Variants in ABCC11 observed in about 807,000 individuals in gnomAD.
ABCC11 encodes ATP binding cassette subfamily C member 11.
A neutral mutation model predicts 149.3 loss-of-function variants in ABCC11; 135 were observed. The ratio of observed to expected loss-of-function variants is 0.90; its 90% CI spans 0.79 to 1.04. ABCC11 has a LOEUF of 1.04. ABCC11 is among the 50% of genes least tolerant of loss of function. The pLI is 0.00. For missense variants in ABCC11, 1,680 were observed against 1,722.1 expected, an observed-to-expected ratio of 0.98 and a Z score of 0.43; for synonymous variants, 665 against 671.4, an observed-to-expected ratio of 0.99 and a Z score of 0.15.
At chr16:48,182,044 T>C (rs1230669083) in intron 23 of ABCC11, among the ~76,000 whole-genome samples, 1 of 152,128 alleles carries the variant, frequency 6.6e-6, no homozygotes, top group East Asian at 1.9e-4. Context: ...CCAGCTGTTA[T>C]TGCACTCCCA....
chr16:48,204,306 T>C (rs1968248324), intron 13 of ABCC11, among the ~76,000 whole-genome samples: 2 of 152,064 alleles, frequency 1.3e-5, no homozygotes, highest in Admixed American at 1.3e-4. Context: ...CTGGAGACAA[T>C]CTTACGCGGG....
chr16:48,205,812 C>CTTT (rs5816589), intron 12 of ABCC11, among the ~76,000 whole-genome samples: 50 of 141,018 alleles, frequency 3.5e-4, no homozygotes, highest in Non-Finnish European at 4.8e-4. Flanking sequence ...GTTTTTTCCT[C>CTTT]TTTTTTTTTT....
At chr16:48,180,248 C>T (rs1322505952) in intron 23 of ABCC11, among the ~76,000 whole-genome samples, 1 of 152,250 alleles carries the variant, frequency 6.6e-6, no homozygotes, top group Admixed American at 6.5e-5. Context: ...TTCTTGAAAA[C>T]TTCTCTTTGC....
intron 3 of ABCC11, among the ~76,000 whole-genome samples, chr16:48,228,581 C>T (rs371270570): frequency 2.7e-5 from 4 of 150,898 alleles, no homozygotes; most frequent in South Asian, 4.2e-4. Flanking sequence ...TGGGAGACAG[C>T]GCACGACTCC....
In ABCC11 at chr16:48,200,313, CT is replaced by C. The variant is rs1567512128; in HGVS notation, c.2044del (p.Arg682GlyfsTer8). 1 of 1,614,214 alleles carries C rather than the reference CT, an allele frequency of 6.2e-7. No individual in the cohort carries two copies. The highest frequency in any genetic ancestry group is 8.5e-7 in the Non-Finnish European group (1 of 1,180,018). ...GGTCACCAGGACGACCGTCTTCCCC[CT>C]GAGTGTCTTCTTAATGCACTCCTCA... ...IFEECIKKTL[R>X]GKTVVLVTHQ... On this transcript the variant is annotated frameshift_variant, in exon 15 of 30. Coordinates refer to ENST00000356608, the MANE Select transcript of ABCC11 (RefSeq NM_001370497.1). LOFTEE classifies it high-confidence loss of function.
chr16:48,166,642 G>A lies in ABCC11; in HGVS notation c.*632C>T, dbSNP rs1310535257. ...GCCCATAACCTCAGCACTTTGGGAGGCCAAGGCAAGCGGATCACTTGAGAT... is the reference window on the plus strand; with the variant it reads ...GCCCATAACCTCAGCACTTTGGGAGACCAAGGCAAGCGGATCACTTGAGAT... On this transcript the variant is annotated 3_prime_UTR_variant, in exon 30 of 30. Coordinates refer to ENST00000356608, the MANE Select transcript of ABCC11 (RefSeq NM_001370497.1). Among the ~76,000 whole-genome samples, 1 of 152,158 alleles carries A rather than the reference G, an allele frequency of 6.6e-6. No individual in the cohort carries two copies. The highest frequency in any genetic ancestry group is 1.5e-5 in the Non-Finnish European group (1 of 68,024).
At chr16:48,186,876 C>A in intron 22 of ABCC11, 77 bp downstream of exon 22, 1 of 1,556,998 alleles carries the variant, frequency 6.4e-7, no homozygotes, top group Non-Finnish European at 8.7e-7. Context: ...GATGCCACTC[C>A]CAGACGCTCC....
In ABCC11 at chr16:48,200,451, C is replaced by G; in HGVS notation, c.1907G>C (p.Gly636Ala). 1.2e-6 allele frequency: 2 copies of G among 1,614,178 alleles called. No homozygotes were observed. Among genetic ancestry groups the G allele is most frequent in the Non-Finnish European group, 1.7e-6 (2 of 1,180,028 alleles). The change falls in exon 15 of 30, where the codon GGG becomes GCG. Residue 636 changes from glycine (G) to alanine (A), a missense_variant. Gly to Ala is a moderately conservative substitution (Grantham distance 60). Coordinates refer to ENST00000356608, the MANE Select transcript of ABCC11 (RefSeq NM_001370497.1). ...CAGGCTGATCCTCTGTTTCTGCCCC[C>G]CAGAGAGGTTGAGGCCCCGCTCTCC... ...EIGERGLNLS[G>A]GQKQRISLAR...
chr16:48,238,669 G>A (rs1431380233), intron 1 of ABCC11, among the ~76,000 whole-genome samples: 1 of 152,046 alleles, frequency 6.6e-6, no homozygotes, highest in Non-Finnish European at 1.5e-5. Context: ...CGGGCGCGGT[G>A]GCTCACGCCT....
intron 10 of ABCC11, among the ~76,000 whole-genome samples, chr16:48,212,892 T>C (rs1341268647): frequency 6.6e-6 from 1 of 152,118 alleles, no homozygotes; most frequent in Non-Finnish European, 1.5e-5. Flanking sequence ...ATTTTTAAGA[T>C]GATAAATGGT....
At chr16:48,173,811 G>A (rs1267466522) in intron 26 of ABCC11, among the ~76,000 whole-genome samples, 4 of 150,194 alleles carry the variant, frequency 2.7e-5, no homozygotes, top group African/African-American at 7.4e-5. Flanking sequence ...TTTTAGCAGA[G>A]ACAGGGTTTT....
intron 9 of ABCC11, among the ~76,000 whole-genome samples, chr16:48,214,027 C>T (rs553478474): frequency 1.3e-5 from 2 of 152,278 alleles, no homozygotes; most frequent in East Asian, 1.9e-4. Flanking sequence ...CTAACCCATG[C>T]TGCACTGTGA....
chr16:48,210,765 T>C, intron 11 of ABCC11, 183 bp downstream of exon 11: 1 of 891,488 alleles, frequency 1.1e-6, no homozygotes, highest in Non-Finnish European at 1.6e-6. Context: ...GATAGATTAA[T>C]TCACATTAAA....
At chr16:48,244,755 G>A in intron 1 of ABCC11, 2 of 524,426 alleles carry the variant, frequency 3.8e-6, no homozygotes, top group Non-Finnish European at 6.1e-6. Context: ...CCTCTCTGGT[G>A]CTATCACTTG....
intron 12 of ABCC11, among the ~76,000 whole-genome samples, chr16:48,207,733 A>C (rs530779196): frequency 1.3e-5 from 2 of 152,134 alleles, no homozygotes; most frequent in Admixed American, 1.3e-4. Context: ...AAAGAAAGAA[A>C]AAAGAAACTG....
At position 48,227,808 on chromosome 16, in the gene ABCC11, T is replaced by C. The variant is rs200640389; in HGVS notation, c.393A>G (p.Gln131=). ...TGGTTTGCCCAGCGCAGCTTCACCT[T>C]TGGACATTTTTGTCTGAGGCATCAT... ...SVHDASDKNV[Q]RLHRLWEEEV... The change falls in exon 4 of 30, where the codon CAA becomes CAG. Residue 131 remains glutamine, a splice_region_variant and synonymous_variant. Coordinates refer to ENST00000356608, the MANE Select transcript of ABCC11 (RefSeq NM_001370497.1). 7 of 1,613,880 alleles carry C rather than the reference T, an allele frequency of 4.3e-6. No homozygotes were observed. Among genetic ancestry groups the C allele is most frequent in the Non-Finnish European group, 5.9e-6 (7 of 1,179,972 alleles).
chr16:48,174,985 C>T (rs1395818860), intron 26 of ABCC11, among the ~76,000 whole-genome samples: 1 of 152,206 alleles, frequency 6.6e-6, no homozygotes, highest in Non-Finnish European at 1.5e-5. Flanking sequence ...TACGGCTGTG[C>T]ACCACCATGC....
rs2150698907 is a variant in ABCC11, at chr16:48,167,340, T to G, written c.4083A>C (p.Val1361=). The change falls in exon 30 of 30, where the codon GTA becomes GTC. Residue 1361 remains valine (V), a synonymous_variant. Transcript: ENST00000356608. ...GKVVEFDRPE[V]LRKKPGSLFA... The stretch of plus-strand genomic sequence containing the variant: ...ACAATGACCCAGGCTTCTTCCGCAG[T>G]ACCTCCGGCCGATCAAATTCTACCA... 1 of 1,136,892 alleles carries G rather than the reference T, an allele frequency of 8.8e-7. No homozygotes were observed. Among genetic ancestry groups the G allele is most frequent in the Non-Finnish European group, 1.3e-6 (1 of 744,122 alleles). 70.4% of individuals were successfully genotyped at this position (1,136,892 alleles called of 1,614,324 possible). A position where few individuals can be genotyped will look rare whatever the true frequency, so the allele number is the denominator to read the frequency against.
intron 1 of ABCC11, chr16:48,244,730 C>T (rs1177805364): frequency 5.3e-6 from 4 of 750,944 alleles, no homozygotes; most frequent in Non-Finnish European, 7.6e-6. Flanking sequence ...GGGCGGCCTT[C>T]GCGGCTCGGT....
Sources: allele counts gnomAD v4.1 joint callset (sites outside exome capture counted in the v4.1 genomes callset), GRCh38; gene constraint gnomAD v4.1.1; transcripts MANE v1.5; gene names NCBI Gene and HGNC (gene_info 2026-07-23, HGNC 2026-07-21).